MYO18B: variants seen among roughly 807,000 people sequenced by gnomAD.
The protein encoded by MYO18B is myosin XVIIIB.
MYO18B carries 204 observed loss-of-function variants against 273.0 expected under a neutral mutation model. The observed-to-expected ratio is 0.75, with a 90% CI of 0.67 to 0.84. The LOEUF (loss-of-function observed/expected upper bound fraction) is 0.84. Ranked by LOEUF, MYO18B falls within the 40% of genes least tolerant of loss-of-function variation. MYO18B has a pLI of 0.00. For synonymous variants in MYO18B, 1,330 were observed against 1,305.7 expected, an observed-to-expected ratio of 1.02 and a Z score of -0.40; for missense variants, 3,212 against 3,287.6, an observed-to-expected ratio of 0.98 and a Z score of 0.56.
At chr22:25,796,867 C>T (rs2145752229) in intron 11 of MYO18B, among the ~76,000 whole-genome samples, 1 of 152,308 alleles carries the variant, frequency 6.6e-6, no homozygotes, top group South Asian at 2.1e-4. Flanking sequence ...TTGAGGCCTT[C>T]AAGGGTGGCC....
intron 31 of MYO18B, among the ~76,000 whole-genome samples, chr22:25,905,257 G>T (rs1004149791): frequency 6.6e-6 from 1 of 152,138 alleles, no homozygotes; most frequent in Non-Finnish European, 1.5e-5. Context: ...AGACATGTGG[G>T]TGGTGGGTGT....
intron 34 of MYO18B, among the ~76,000 whole-genome samples, chr22:25,940,093 T>C (rs1292940843): frequency 6.6e-6 from 1 of 152,236 alleles, no homozygotes; most frequent in African/African-American, 2.4e-5. Context: ...TCCTACTCAA[T>C]GAACGCAAAT....
chr22:25,822,588 C>T (rs895685484), intron 12 of MYO18B, among the ~76,000 whole-genome samples: 1 of 152,170 alleles, frequency 6.6e-6, no homozygotes, highest in Non-Finnish European at 1.5e-5. Flanking sequence ...ACACAGTAAG[C>T]AGATGGCTAG....
In MYO18B at chr22:25,768,572, G is replaced by T; in HGVS notation, c.656G>T (p.Gly219Val). The change falls in exon 4 of 44, where the codon GGG becomes GTG. Residue 219 changes from glycine (G) to valine (V), a missense_variant. Transcript: ENST00000335473. ...CCGAAAGCTGAGAAGACCCGGACTG[G>T]GGGTCTTGGGGACCCAGGCCAAGGA... ...LAPKAEKTRT[G>V]GLGDPGQGTV... 1.3e-6 allele frequency: 2 copies of T among 1,533,020 alleles called. No individual in the cohort carries two copies. The highest frequency in any genetic ancestry group is 1.3e-5 in the South Asian group (1 of 75,708). The allele number at this position is 1,533,020 out of a possible 1,614,324, so 95.0% of individuals were successfully genotyped here.
chr22:25,970,899 A>G (rs1056257122), intron 39 of MYO18B, among the ~76,000 whole-genome samples: 1 of 152,150 alleles, frequency 6.6e-6, no homozygotes, highest in Non-Finnish European at 1.5e-5. Context: ...AAAAAGACTG[A>G]TGTCACTTTT....
intron 16 of MYO18B, among the ~76,000 whole-genome samples, chr22:25,833,249 T>A (rs546589997): frequency 6.6e-6 from 1 of 152,292 alleles, no homozygotes; most frequent in African/African-American, 2.4e-5. Context: ...TGTCTGAGTC[T>A]ATGTCTTAGA....
Position 25,946,178 on chromosome 22 carries a change from G to A in MYO18B, c.5559G>A (p.Thr1853=), listed in dbSNP as rs73879602. ...CCAAGTGTGAGGAGGCCTTGAAGAC[G>A]CAGAAGGTGCTCACAGCGGACCTGG... ...SEAKCEEALK[T]QKVLTADLES... is the part of the protein sequence containing the mutation. Residue 1853 remains threonine, a synonymous_variant, in exon 35 of 44, where the codon ACG becomes ACA. Transcript: ENST00000335473. 3,374 of 1,579,074 alleles carry A rather than the reference G, an allele frequency of 2.1e-3. 63 individuals carry two copies. The African/African-American group carries it at 0.039, about 18-fold the overall frequency.
chr22:26,020,448 T>C (rs999783070), intron 42 of MYO18B, among the ~76,000 whole-genome samples: 5 of 152,206 alleles, frequency 3.3e-5, no homozygotes, highest in Non-Finnish European at 5.9e-5. Context: ...AGTAGGCTCA[T>C]ACATAGGAAT....
chr22:25,903,177 C>A (rs555595030), intron 30 of MYO18B: 3 of 195,200 alleles, frequency 1.5e-5, no homozygotes, highest in Middle Eastern at 2.1e-3. Context: ...TTTAGCCTGG[C>A]GTTCAACTCC....
At chr22:25,803,050 G>A (rs1416640654) in intron 12 of MYO18B, among the ~76,000 whole-genome samples, 1 of 150,236 alleles carries the variant, frequency 6.7e-6, no homozygotes, top group Non-Finnish European at 1.5e-5. Context: ...CAAGCTCTGT[G>A]TCCCAGGCTC....
intron 12 of MYO18B, among the ~76,000 whole-genome samples, chr22:25,805,979 G>A (rs1276272540): frequency 6.6e-6 from 1 of 152,124 alleles, no homozygotes; most frequent in Non-Finnish European, 1.5e-5. Context: ...CATGTGGGAC[G>A]ATTGATTATT....
chr22:25,768,537 G>T lies in MYO18B; in HGVS notation c.621G>T (p.Glu207Asp), dbSNP rs1272114384. ...RTPCGSQAST[E>D]ILAPKAEKTR... is the part of the protein sequence containing the mutation. ...CTTGTGGCTCCCAGGCCAGCACCGAGATCTTGGCCCCGAAAGCTGAGAAGA... is the reference window on the plus strand; with the variant it reads ...CTTGTGGCTCCCAGGCCAGCACCGATATCTTGGCCCCGAAAGCTGAGAAGA... Residue 207 changes from glutamate (E) to aspartate (D), a missense_variant, in exon 4 of 44, where the codon GAG becomes GAT. By Grantham distance (45) the Glu-to-Asp change is conservative. Coordinates refer to ENST00000335473, the MANE Select transcript of MYO18B (RefSeq NM_032608.7). 6.4e-7 allele frequency: 1 copy of T among 1,552,160 alleles called. No homozygotes were observed. Among genetic ancestry groups the T allele is most frequent in the Non-Finnish European group, 8.7e-7 (1 of 1,152,390 alleles).
At chr22:26,036,234 T>C in the MYO18B span, among the ~76,000 whole-genome samples, 1 of 152,212 alleles carries the variant, frequency 6.6e-6, no homozygotes, top group African/African-American at 2.4e-5. Context: ...TCCCTGGACC[T>C]GGTTGCTTAT....
chr22:26,017,973 T>G (rs1601843047), intron 42 of MYO18B, among the ~76,000 whole-genome samples: 1 of 56,040 alleles, frequency 1.8e-5, no homozygotes, highest in South Asian at 7.1e-4. Flanking sequence ...TTTTGTTTTT[T>G]TTTTTTTTTT....
At chr22:25,997,091 G>A (rs1425113689) in intron 40 of MYO18B, among the ~76,000 whole-genome samples, 1 of 152,038 alleles carries the variant, frequency 6.6e-6, no homozygotes, top group East Asian at 1.9e-4. Flanking sequence ...GGGAGGCCAA[G>A]GCGGGTGGAT....
At chr22:25,769,776 A>G (rs1181385976) in intron 4 of MYO18B, among the ~76,000 whole-genome samples, 1 of 152,152 alleles carries the variant, frequency 6.6e-6, no homozygotes, top group East Asian at 1.9e-4. Context: ...TAGATTGTTA[A>G]AAATGCAGAT....
At chr22:25,972,693 C>T (rs35715849) in intron 39 of MYO18B, among the ~76,000 whole-genome samples, 8,425 of 152,224 alleles carry the variant, frequency 0.055, 297 homozygotes, top group South Asian at 0.13. Flanking sequence ...CGGTGGCTCA[C>T]GCCTGTAATC....
intron 12 of MYO18B, among the ~76,000 whole-genome samples, chr22:25,800,588 T>G (rs929438490): frequency 6.6e-6 from 1 of 152,194 alleles, no homozygotes; most frequent in East Asian, 1.9e-4. Context: ...GGCTTACCCC[T>G]GGGAAACTGA....
intron 20 of MYO18B, 56 bp downstream of exon 20, chr22:25,847,708 C>T: frequency 2.2e-6 from 3 of 1,360,642 alleles, no homozygotes; most frequent in South Asian, 1.3e-5. Flanking sequence ...CATGTCCACC[C>T]ACCAGTGGCA....
Sources: allele counts gnomAD v4.1 joint callset (sites outside exome capture counted in the v4.1 genomes callset), GRCh38; gene constraint gnomAD v4.1.1; transcripts MANE v1.5; gene names NCBI Gene and HGNC (gene_info 2026-07-23, HGNC 2026-07-21).